Variants in CADM2 observed in about 807,000 individuals in gnomAD.
CADM2 encodes the protein immunoglobulin superfamily member 4D.
Under a neutral mutation model 49.8 loss-of-function variants are expected in CADM2, and 12 were observed. That is an observed-to-expected ratio of 0.24 (90% CI 0.15 to 0.39). CADM2 has a LOEUF of 0.39. Ranked by LOEUF, CADM2 falls within the 10% of genes least tolerant of loss-of-function variation. The pLI, the probability that CADM2 is intolerant of heterozygous loss-of-function variation, is 1.00. For missense variants in CADM2, 378 were observed against 492.3 expected (o/e 0.77, Z 2.20); for synonymous variants, 214 against 175.4 (o/e 1.22, Z -1.74).
At position 85,216,342 on chromosome 3, in the gene CADM2, ATAT is replaced by A. The variant is rs1044064198; in HGVS notation, c.61+256681_61+256683del. On this transcript the variant is annotated intron_variant, in intron 1 of 9. Transcript: ENST00000383699. ...ATTAATATATATTTAATGTATAAAT[ATAT>A]TATTATATTAATAGTAATATATTTA... 1.1e-3 allele frequency among the ~76,000 whole-genome samples: 166 copies of A among 147,486 alleles called. 1 individual carries two copies. The highest frequency in any genetic ancestry group is 4.0e-3 in the African/African-American group (164 of 40,788).
At chr3:85,256,595 TATTTA>T (rs1467728653) in intron 1 of CADM2, among the ~76,000 whole-genome samples, 1 of 152,106 alleles carries the variant, frequency 6.6e-6, no homozygotes, top group African/African-American at 2.4e-5. Flanking sequence ...AACTTGAGAT[TATTTA>T]ATTATTATCT....
intron 1 of CADM2, among the ~76,000 whole-genome samples, chr3:85,570,279 A>G (rs1164137256): frequency 6.6e-6 from 1 of 152,204 alleles, no homozygotes; most frequent in Non-Finnish European, 1.5e-5. Flanking sequence ...ACAGAAGCTT[A>G]AATAAACATG....
intron 1 of CADM2, among the ~76,000 whole-genome samples, chr3:85,633,739 T>C (rs2064379133): frequency 6.6e-6 from 1 of 152,000 alleles, no homozygotes. Flanking sequence ...GGAGAATAAA[T>C]TTCCATAAAA....
intron 1 of CADM2, among the ~76,000 whole-genome samples, chr3:85,665,183 A>G (rs926231726): frequency 1.3e-5 from 2 of 151,982 alleles, no homozygotes; most frequent in African/African-American, 4.8e-5. Flanking sequence ...AATCTATCAC[A>G]TTGTACATGC....
intron 2 of CADM2, among the ~76,000 whole-genome samples, chr3:85,783,787 T>C (rs72908511): frequency 0.036 from 5,463 of 152,310 alleles, 303 homozygotes; most frequent in African/African-American, 0.12. Flanking sequence ...TGATTAATGA[T>C]GGATTCTAAG....
At chr3:85,440,012 G>A (rs1024654276) in intron 1 of CADM2, among the ~76,000 whole-genome samples, 1 of 152,062 alleles carries the variant, frequency 6.6e-6, no homozygotes, top group Non-Finnish European at 1.5e-5. Flanking sequence ...TAGGAGAATT[G>A]CATACATGCA....
intron 1 of CADM2, among the ~76,000 whole-genome samples, chr3:85,618,757 T>C (rs1002703565): frequency 1.3e-5 from 2 of 152,172 alleles, no homozygotes; most frequent in African/African-American, 2.4e-5. Flanking sequence ...TTTTTTATCA[T>C]AAATTTAAAT....
intron 1 of CADM2, among the ~76,000 whole-genome samples, chr3:85,343,898 C>G (rs1360675370): frequency 6.6e-6 from 1 of 152,154 alleles, no homozygotes; most frequent in Admixed American, 6.5e-5. Flanking sequence ...AAATCCAATA[C>G]ATATTTACTG....
At chr3:85,955,724 C>T (rs1340011221) in intron 7 of CADM2, among the ~76,000 whole-genome samples, 2 of 151,350 alleles carry the variant, frequency 1.3e-5, no homozygotes, top group African/African-American at 4.8e-5. Flanking sequence ...GTGGCAATAC[C>T]TTTCAACAGT....
At chr3:85,785,845 A>G (rs2070951706) in intron 2 of CADM2, among the ~76,000 whole-genome samples, 1 of 152,100 alleles carries the variant, frequency 6.6e-6, no homozygotes, top group African/African-American at 2.4e-5. Flanking sequence ...CAATACTGAT[A>G]ATTTATTATG....
rs528764940 is a variant in CADM2 at position 85,154,393 on chromosome 3, A to G, written c.61+194725A>G. Among the ~76,000 whole-genome samples, 303 of 152,292 alleles carry G rather than the reference A, an allele frequency of 2.0e-3. 1 individual carries two copies. Among genetic ancestry groups the G allele is most frequent in the African/African-American group, 7.0e-3 (289 of 41,552 alleles). ...GCGAGAAGGGAAGTTTAAAGAAAAA[A>G]GAATAAAAAGAAACGAGCAAAGCCT... is the stretch of plus-strand genomic sequence containing the variant. On this transcript the variant is annotated intron_variant, in intron 1 of 9. Transcript: ENST00000383699.
At chr3:85,772,478 A>G (rs1016725877) in intron 2 of CADM2, among the ~76,000 whole-genome samples, 2 of 151,322 alleles carry the variant, frequency 1.3e-5, no homozygotes, top group Non-Finnish European at 2.9e-5. Context: ...TTGAATTAAG[A>G]TACAGACAAA....
At position 85,028,355 on chromosome 3, in the gene CADM2, T is replaced by C. The variant is rs1340037979; in HGVS notation, c.61+68687T>C. Among the ~76,000 whole-genome samples, 6 of 152,288 alleles carry C rather than the reference T, an allele frequency of 3.9e-5. No individual in the cohort carries two copies. The East Asian group carries it at 9.7e-4, about 25-fold the overall frequency. On this transcript the variant is annotated intron_variant, in intron 1 of 9. Transcript: ENST00000383699. The stretch of plus-strand genomic sequence containing the variant: ...TTTTCTCAACATGTGGAGGGATCAA[T>C]AATGAATGCATGACAAGTGTCAGGC...
At chr3:86,015,421 A>C (rs1455217970) in intron 8 of CADM2, among the ~76,000 whole-genome samples, 2 of 152,150 alleles carry the variant, frequency 1.3e-5, no homozygotes, top group East Asian at 3.8e-4. Flanking sequence ...ATCACTGTGG[A>C]TCTCTACTTG....
intron 7 of CADM2, among the ~76,000 whole-genome samples, chr3:85,943,166 AC>A (rs777652234): frequency 5.4e-5 from 8 of 149,308 alleles, no homozygotes; most frequent in Non-Finnish European, 1.2e-4. Context: ...TCCTTCACCC[AC>A]TTTTTGATGG....
intron 1 of CADM2, among the ~76,000 whole-genome samples, chr3:85,038,031 GT>G (rs1225729939): frequency 6.6e-6 from 1 of 151,986 alleles, no homozygotes; most frequent in Non-Finnish European, 1.5e-5. Context: ...AACAGAAAAA[GT>G]TTTTTAAAAT....
chr3:85,399,771 T>C (rs1027736700), intron 1 of CADM2, among the ~76,000 whole-genome samples: 1 of 152,182 alleles, frequency 6.6e-6, no homozygotes, highest in Non-Finnish European at 1.5e-5. Context: ...GATTTGGCTC[T>C]CTGTTATTGG....
At chr3:85,170,659 C>T (rs1472419947) in intron 1 of CADM2, among the ~76,000 whole-genome samples, 1 of 152,120 alleles carries the variant, frequency 6.6e-6, no homozygotes, top group East Asian at 1.9e-4. Context: ...AAATAAAATT[C>T]TTCATGGCTT....
At chr3:85,054,894 G>T (rs2036019673) in intron 1 of CADM2, among the ~76,000 whole-genome samples, 1 of 151,856 alleles carries the variant, frequency 6.6e-6, no homozygotes, top group Non-Finnish European at 1.5e-5. Flanking sequence ...TGGATCTTGA[G>T]AAATATTTAT....
Sources: allele counts gnomAD v4.1 joint callset (sites outside exome capture counted in the v4.1 genomes callset), GRCh38; gene constraint gnomAD v4.1.1; transcripts MANE v1.5; gene names NCBI Gene and HGNC (gene_info 2026-07-23, HGNC 2026-07-21).